The following PRKN variants were observed in gnomAD, a reference collection of about 807,000 sequenced individuals.
PRKN encodes parkin RBR E3 ubiquitin protein ligase.
In PRKN, 56 loss-of-function variants were observed where a neutral mutation model predicts 59.5. The observed-to-expected ratio is 0.94, with a 90% CI of 0.76 to 1.18. The LOEUF (loss-of-function observed/expected upper bound fraction) is 1.18, where lower values mean the gene tolerates loss of function less well. Ranked by LOEUF, PRKN falls within the 50% of genes most tolerant of loss-of-function variation. The probability of loss-of-function intolerance (pLI) is 0.00; values close to 1 mark genes in which losing one functional copy is unlikely to be tolerated. For synonymous variants in PRKN, 250 were observed against 222.1 expected (o/e 1.13, Z -1.12); for missense variants, 657 against 596.4 (o/e 1.10, Z -1.06).
intron 2 of PRKN, among the ~76,000 whole-genome samples, chr6:162,410,413 T>C (rs939595147): frequency 1.1e-4 from 16 of 152,272 alleles, no homozygotes; most frequent in African/African-American, 2.9e-4. Flanking sequence ...ACGATTCACA[T>C]GGAAAGTCCA....
At chr6:161,897,907 C>T (rs1439653300) in intron 6 of PRKN, among the ~76,000 whole-genome samples, 1 of 131,354 alleles carries the variant, frequency 7.6e-6, no homozygotes, top group Non-Finnish European at 1.5e-5. Context: ...GCGGAGCTTG[C>T]AGTGAGCTGA....
chr6:161,815,695 G>T (rs1456290765), intron 6 of PRKN, among the ~76,000 whole-genome samples: 1 of 152,174 alleles, frequency 6.6e-6, no homozygotes, highest in Non-Finnish European at 1.5e-5. Flanking sequence ...TCAGAGAGTG[G>T]CCAGGCCCTG....
intron 5 of PRKN, among the ~76,000 whole-genome samples, chr6:162,031,099 G>A (rs2128279033): frequency 6.6e-6 from 1 of 152,256 alleles, no homozygotes; most frequent in East Asian, 1.9e-4. Flanking sequence ...TTGACATTTT[G>A]ATAATGGAAA....
chr6:162,646,927 A>C (rs1583975768), intron 1 of PRKN, among the ~76,000 whole-genome samples: 1 of 152,194 alleles, frequency 6.6e-6, no homozygotes, highest in South Asian at 2.1e-4. Flanking sequence ...TCTGTCATTG[A>C]CCAAAACATT....
chr6:161,971,382 G>A (rs1249614028), intron 6 of PRKN, among the ~76,000 whole-genome samples: 2 of 152,186 alleles, frequency 1.3e-5, no homozygotes, highest in African/African-American at 4.8e-5. Context: ...CTGATGAGCT[G>A]TTTTCTGACT....
At chr6:162,721,032 AAAAAG>A (rs1409841436) in intron 1 of PRKN, among the ~76,000 whole-genome samples, 2 of 152,232 alleles carry the variant, frequency 1.3e-5, no homozygotes, top group South Asian at 2.1e-4. Context: ...AGAACTTTTT[AAAAAG>A]AAATATGGCC....
intron 6 of PRKN, among the ~76,000 whole-genome samples, chr6:161,865,148 A>G (rs571800372): frequency 3.3e-5 from 5 of 152,186 alleles, no homozygotes; most frequent in Non-Finnish European, 7.3e-5. Flanking sequence ...GTGACCAGGT[A>G]CATTCTCAGT....
In PRKN at chr6:161,579,679, A is replaced by T. The variant is rs1450268258; in HGVS notation, c.872-10263T>A. Among the ~76,000 whole-genome samples the T allele has an allele frequency of 1.3e-5, 2 of 152,144 alleles. No homozygotes were observed. Among genetic ancestry groups the T allele is most frequent in the Non-Finnish European group, 2.9e-5 (2 of 68,034 alleles). On this transcript the variant is annotated intron_variant, in intron 7 of 11. Transcript: ENST00000366898. This position sits in a 1 kb window ranked among gnomAD's most constrained non-coding sequence, Gnocchi z 4.2. ...ATTGATGCAATTCCTTAAATGGAGG[A>T]ATTTCTTAAATGGACACAATTCCTT... is the stretch of plus-strand genomic sequence containing the variant.
At chr6:162,705,820 A>G (rs927317428) in intron 1 of PRKN, among the ~76,000 whole-genome samples, 2 of 152,126 alleles carry the variant, frequency 1.3e-5, no homozygotes, top group African/African-American at 4.8e-5. Context: ...GCTGTTTCCT[A>G]TAAGTAAACT....
chr6:161,639,560 G>A (rs1283228360), intron 7 of PRKN, among the ~76,000 whole-genome samples: 3 of 152,108 alleles, frequency 2.0e-5, no homozygotes, highest in Non-Finnish European at 4.4e-5. Context: ...CCTCAACCCT[G>A]TTTGCCTGCA....
intron 1 of PRKN, among the ~76,000 whole-genome samples, chr6:162,474,083 G>A (rs923963726): frequency 6.6e-6 from 1 of 152,158 alleles, no homozygotes; most frequent in Admixed American, 6.6e-5. Flanking sequence ...TAACAGAAAC[G>A]CCCTTTGCCA....
intron 5 of PRKN, among the ~76,000 whole-genome samples, chr6:161,991,552 G>A (rs4709561): frequency 0.79 from 120,184 of 152,146 alleles, 48,201 homozygotes; most frequent in African/African-American, 0.93. Flanking sequence ...TTAAAAAATG[G>A]CCCAACTGGC....
chr6:161,925,449 T>C lies in PRKN; in HGVS notation c.734+47853A>G, dbSNP rs1001238318. ...AGCCGGGTGTGGTGGCGGGCGCCTG[T>C]GATCCCAGCTACTCAGGAGGCTGAG... On this transcript the variant is annotated intron_variant, in intron 6 of 11. Transcript: ENST00000366898. 7.2e-5 allele frequency among the ~76,000 whole-genome samples: 11 copies of C among 152,110 alleles called. 1 individual carries two copies. The highest frequency in any genetic ancestry group is 7.2e-4 in the Admixed American group (11 of 15,268).
chr6:161,682,552 C>A (rs1381149692), intron 7 of PRKN, among the ~76,000 whole-genome samples: 2 of 151,006 alleles, frequency 1.3e-5, no homozygotes, highest in African/African-American at 2.4e-5. Flanking sequence ...GGAGGGGCTG[C>A]GGGGAGCAGG....
At chr6:161,957,736 G>C (rs929699271) in intron 6 of PRKN, among the ~76,000 whole-genome samples, 1 of 151,858 alleles carries the variant, frequency 6.6e-6, no homozygotes, top group African/African-American at 2.4e-5. Flanking sequence ...GTCTTCTCTT[G>C]ATTTTGTTTG....
At chr6:162,496,040 C>A (rs1793051355) in intron 1 of PRKN, among the ~76,000 whole-genome samples, 1 of 152,124 alleles carries the variant, frequency 6.6e-6, no homozygotes, top group African/African-American at 2.4e-5. Context: ...GAGTTTGAGA[C>A]CAGCCTGGCC....
Position 162,727,699 on chromosome 6 carries a change from G to A in PRKN, c.-31C>T, listed in dbSNP as rs1458142013. The A allele has an allele frequency of 3.8e-6, 6 of 1,565,642 alleles. No homozygotes were observed. The highest frequency in any genetic ancestry group is 1.7e-4 in the Middle Eastern group (1 of 6,022). ...CTGGGTAGGTGGCGGCTGCGGGCCA[G>A]GAACAGGCCCATGCGCGCAGCGGCG... On this transcript the variant is annotated 5_prime_UTR_variant, in exon 1 of 12. Coordinates refer to ENST00000366898, the MANE Select transcript of PRKN (RefSeq NM_004562.3).
At chr6:161,516,826 C>CAAAAAAAAAAAAAAAAAAA (rs369136348) in intron 9 of PRKN, among the ~76,000 whole-genome samples, 12 of 63,196 alleles carry the variant, frequency 1.9e-4, no homozygotes, top group African/African-American at 3.1e-4. Context: ...GACTCAATCT[C>CAAAAAAAAAAAAAAAAAAA]AAAAAAAAAA....
At chr6:161,841,112 T>G (rs1312478410) in intron 6 of PRKN, among the ~76,000 whole-genome samples, 1 of 152,198 alleles carries the variant, frequency 6.6e-6, no homozygotes, top group East Asian at 1.9e-4. Context: ...CAAAGACACA[T>G]GCATATGTTT....
Sources: gnomAD v4.1 joint callset for allele counts (sites outside exome capture counted in the v4.1 genomes callset) on GRCh38, gnomAD v4.1.1 for gene constraint, Gnocchi (gnomAD v3.1) non-coding constraint, MANE v1.5 for transcripts, NCBI Gene and HGNC (gene_info 2026-07-23, HGNC 2026-07-21) for gene names.